Variants in PDE4D observed in about 807,000 individuals in gnomAD.
The protein encoded by PDE4D is 3',5'-cyclic-AMP phosphodiesterase 4D.
A neutral mutation model predicts 87.4 loss-of-function variants in PDE4D; 24 were observed. The observed-to-expected ratio is 0.27, with a 90% confidence interval of 0.20 to 0.39. PDE4D has a LOEUF of 0.39. Ranked by LOEUF, PDE4D falls within the 10% of genes least tolerant of loss-of-function variation. The probability of loss-of-function intolerance (pLI) is 1.00; values close to 1 mark genes in which losing one functional copy is unlikely to be tolerated. For missense variants in PDE4D, 714 were observed against 1,041.0 expected (o/e 0.69, Z 4.32); for synonymous variants, 384 against 383.2 (o/e 1.00, Z -0.02).
intron 1 of PDE4D, among the ~76,000 whole-genome samples, chr5:59,719,298 C>A (rs374046314): frequency 1.6e-4 from 25 of 152,012 alleles, no homozygotes; most frequent in African/African-American, 5.8e-4. Flanking sequence ...AATGTGATGG[C>A]CCTGAATGTG....
intron 1 of PDE4D, among the ~76,000 whole-genome samples, chr5:59,370,273 T>C (rs2153598170): frequency 6.6e-6 from 1 of 152,284 alleles, no homozygotes; most frequent in African/African-American, 2.4e-5. Context: ...AGTTTCCCTC[T>C]CCATTTGGGA....
At chr5:59,232,987 A>G (rs913795694) in intron 1 of PDE4D, among the ~76,000 whole-genome samples, 1 of 152,118 alleles carries the variant, frequency 6.6e-6, no homozygotes, top group East Asian at 1.9e-4. Flanking sequence ...GTGCTAAAAA[A>G]AGTTGATATC....
chr5:60,061,745 G>C (rs1004101914), intron 2 of PDE4D, among the ~76,000 whole-genome samples: 3 of 151,978 alleles, frequency 2.0e-5, no homozygotes, highest in African/African-American at 7.2e-5. Flanking sequence ...TATACCAATG[G>C]AACAGAATAG....
At chr5:59,961,756 T>A (rs1325353129) in intron 3 of PDE4D, among the ~76,000 whole-genome samples, 1 of 152,108 alleles carries the variant, frequency 6.6e-6, no homozygotes, top group African/African-American at 2.4e-5. Flanking sequence ...GTATGTGTAT[T>A]GTTAGTGGAA....
chr5:59,397,388 C>A (rs1789628826), intron 1 of PDE4D, among the ~76,000 whole-genome samples: 1 of 120,438 alleles, frequency 8.3e-6, no homozygotes, highest in Non-Finnish European at 1.8e-5. Flanking sequence ...ATCTCTCAGA[C>A]CACAGTGCAA....
intron 1 of PDE4D, among the ~76,000 whole-genome samples, chr5:59,730,270 T>C (rs1009927201): frequency 2.0e-5 from 3 of 152,116 alleles, no homozygotes; most frequent in African/African-American, 4.8e-5. Flanking sequence ...TTCCGATACG[T>C]GCAAAGCTTC....
At chr5:60,474,110 A>ATATATATGTGTATG in intron 1 of PDE4D, among the ~76,000 whole-genome samples, 1 of 65,976 alleles carries the variant, frequency 1.5e-5, no homozygotes, top group East Asian at 4.5e-4. Flanking sequence ...GCTGCCATAT[A>ATATATATGTGTATG]TATATATATA....
intron 1 of PDE4D, among the ~76,000 whole-genome samples, chr5:59,293,467 G>A (rs1466480205): frequency 6.6e-6 from 1 of 152,122 alleles, no homozygotes; most frequent in Non-Finnish European, 1.5e-5. Context: ...ACCATGAAAA[G>A]AAGATTTCAG....
chr5:60,137,586 C>T (rs937542438), intron 2 of PDE4D, among the ~76,000 whole-genome samples: 1 of 151,788 alleles, frequency 6.6e-6, no homozygotes, highest in African/African-American at 2.4e-5. Flanking sequence ...ACATGAATGT[C>T]TTCTTTTGAG....
chr5:59,113,711 C>A (rs1453938361), intron 5 of PDE4D, among the ~76,000 whole-genome samples: 2 of 152,152 alleles, frequency 1.3e-5, no homozygotes, highest in Non-Finnish European at 2.9e-5. Flanking sequence ...AAACAGACTG[C>A]CAAAGGTGGA....
At chr5:60,003,991 A>C (rs1480085601) in intron 2 of PDE4D, among the ~76,000 whole-genome samples, 1 of 152,182 alleles carries the variant, frequency 6.6e-6, no homozygotes, top group Non-Finnish European at 1.5e-5. Context: ...AAAGAATGAA[A>C]TTGTATCCAT....
chr5:60,406,532 C>T (rs1015619424), intron 1 of PDE4D, among the ~76,000 whole-genome samples: 5 of 152,154 alleles, frequency 3.3e-5, no homozygotes, highest in Non-Finnish European at 7.3e-5. Flanking sequence ...TCAGCAAATT[C>T]CATTTGAGTC....
chr5:60,192,296 G>A (rs1785257657), intron 1 of PDE4D, among the ~76,000 whole-genome samples: 3 of 151,914 alleles, frequency 2.0e-5, no homozygotes, highest in Non-Finnish European at 4.4e-5. Context: ...ACTTGAAAAT[G>A]GTGTATATAT....
intron 1 of PDE4D, among the ~76,000 whole-genome samples, chr5:59,880,357 G>A (rs751902245): frequency 4.6e-5 from 7 of 151,996 alleles, no homozygotes; most frequent in Non-Finnish European, 7.4e-5. Context: ...TAATAATCCC[G>A]CCTCGGCCTC....
intron 1 of PDE4D, among the ~76,000 whole-genome samples, chr5:59,550,353 C>A (rs1244264360): frequency 1.3e-5 from 2 of 152,036 alleles, no homozygotes; most frequent in East Asian, 3.9e-4. Context: ...GTAACTAAAT[C>A]TTTTCACATA....
intron 1 of PDE4D, among the ~76,000 whole-genome samples, chr5:59,493,144 C>CT (rs1334666364): frequency 6.6e-6 from 1 of 152,120 alleles, no homozygotes; most frequent in Non-Finnish European, 1.5e-5. Context: ...GTACCAAACT[C>CT]TGAGTTTTTT....
intron 1 of PDE4D, among the ~76,000 whole-genome samples, chr5:60,388,507 A>AC (rs1185184480): frequency 6.6e-6 from 1 of 151,792 alleles, no homozygotes; most frequent in Non-Finnish European, 1.5e-5. Flanking sequence ...CCCTCCCCTC[A>AC]CTGGTGTATA....
chr5:60,247,727 T>A (rs1747954811), intron 1 of PDE4D, among the ~76,000 whole-genome samples: 1 of 151,778 alleles, frequency 6.6e-6, no homozygotes, highest in Non-Finnish European at 1.5e-5. Context: ...CCTCTCCCTC[T>A]CTCTCACACA....
intron 1 of PDE4D, among the ~76,000 whole-genome samples, chr5:60,301,518 G>A (rs1257631872): frequency 6.6e-6 from 1 of 152,116 alleles, no homozygotes; most frequent in Non-Finnish European, 1.5e-5. Flanking sequence ...CTTGCCTGCT[G>A]TTGGTGTACA....
Sources: gnomAD v4.1 joint callset for allele counts (sites outside exome capture counted in the v4.1 genomes callset) on GRCh38, gnomAD v4.1.1 for gene constraint, MANE v1.5 for transcripts, NCBI Gene and HGNC (gene_info 2026-07-23, HGNC 2026-07-21) for gene names.